RALGPS1: variants seen among roughly 807,000 people sequenced by gnomAD.
RALGPS1 encodes the protein Ral GEF with PH domain and SH3 binding motif 1, also known as ras-specific guanine nucleotide-releasing factor RalGPS1.
A neutral mutation model predicts 78.8 loss-of-function variants in RALGPS1; 19 were observed. The observed-to-expected ratio is 0.24, with a 90% CI of 0.17 to 0.35. The LOEUF (loss-of-function observed/expected upper bound fraction) is 0.35, where lower values mean the gene tolerates loss of function less well. Ranked by LOEUF, RALGPS1 falls within the 10% of genes least tolerant of loss-of-function variation. RALGPS1 has a pLI of 1.00. For synonymous variants in RALGPS1, 228 were observed against 256.3 expected (o/e 0.89, Z 1.06); for missense variants, 454 against 688.3 (o/e 0.66, Z 3.81).
intron 8 of RALGPS1, chr9:127,069,582 T>G (rs1331602358): frequency 4.4e-6 from 2 of 458,118 alleles, no homozygotes; most frequent in African/African-American, 4.0e-5. Context: ...ATAAAAGACC[T>G]GTGGGCCCCA....
intron 10 of RALGPS1, 129 bp downstream of exon 10, chr9:127,168,901 A>G: frequency 1.4e-6 from 1 of 711,210 alleles, no homozygotes; most frequent in Non-Finnish European, 2.5e-6. Flanking sequence ...ATCAGAGTCC[A>G]CAGCAGTAGC....
At chr9:127,162,033 C>T (rs2059050578) in intron 8 of RALGPS1, among the ~76,000 whole-genome samples, 1 of 152,242 alleles carries the variant, frequency 6.6e-6, no homozygotes. Flanking sequence ...TTTATCATCA[C>T]TTGACTGGTG....
chr9:127,091,760 C>A lies in RALGPS1; in HGVS notation c.610+22404C>A. ...TCACCCGCATTGCCATGGTAGCGCC[C>A]CAGCCGCAGCTTATAATACTCGCTC... is the stretch of plus-strand genomic sequence containing the variant. On this transcript the variant is annotated intron_variant, in intron 8 of 18. Coordinates refer to ENST00000259351, the MANE Select transcript of RALGPS1 (RefSeq NM_014636.3). This position sits in a 1 kb window ranked among gnomAD's most constrained non-coding sequence, Gnocchi z 4.3. The A allele has an allele frequency of 1.2e-6, 2 of 1,614,118 alleles. No homozygotes were observed. Among genetic ancestry groups the A allele is most frequent in the South Asian group, 2.2e-5 (2 of 91,080 alleles).
At chr9:127,101,438 CATGAGTCCCTCA>C (rs1416543960) in intron 8 of RALGPS1, among the ~76,000 whole-genome samples, 3 of 152,200 alleles carry the variant, frequency 2.0e-5, no homozygotes, top group African/African-American at 7.2e-5. Context: ...AGGCTCACTC[CATGAGTCCCTCA>C]ATGCTCTGTG....
At chr9:127,152,652 A>G (rs927184077) in intron 8 of RALGPS1, among the ~76,000 whole-genome samples, 1 of 152,162 alleles carries the variant, frequency 6.6e-6, no homozygotes, top group Non-Finnish European at 1.5e-5. Flanking sequence ...TATCTGCCCT[A>G]TAGTATATTA....
intron 4 of RALGPS1, among the ~76,000 whole-genome samples, chr9:126,998,350 G>A (rs1221315002): frequency 1.3e-5 from 2 of 152,084 alleles, no homozygotes; most frequent in Non-Finnish European, 2.9e-5. Context: ...TCAAAAAGTG[G>A]GCAAAGGATA....
intron 4 of RALGPS1, among the ~76,000 whole-genome samples, chr9:126,996,388 A>G (rs1477076178): frequency 6.6e-6 from 1 of 152,248 alleles, no homozygotes; most frequent in African/African-American, 2.4e-5. Context: ...CTACCATCAG[A>G]GAATACTACA....
At chr9:126,965,078 G>A in intron 2 of RALGPS1, among the ~76,000 whole-genome samples, 1 of 152,192 alleles carries the variant, frequency 6.6e-6, no homozygotes, top group East Asian at 1.9e-4. Context: ...CCACAGTGTT[G>A]AGATTCGTGA....
intron 3 of RALGPS1, among the ~76,000 whole-genome samples, chr9:126,966,825 C>T (rs1450466042): frequency 6.6e-6 from 1 of 151,978 alleles, no homozygotes; most frequent in African/African-American, 2.4e-5. Context: ...GTGTTGCTCC[C>T]GGTCTAACTA....
chr9:127,126,418 T>G (rs1415174553), intron 8 of RALGPS1, among the ~76,000 whole-genome samples: 1 of 152,212 alleles, frequency 6.6e-6, no homozygotes, highest in Non-Finnish European at 1.5e-5. Flanking sequence ...TTTACTAAAT[T>G]TGGGGATATG....
chr9:127,076,262 T>G (rs2050673848), intron 8 of RALGPS1, among the ~76,000 whole-genome samples: 1 of 152,232 alleles, frequency 6.6e-6, no homozygotes, highest in South Asian at 2.1e-4. Context: ...GGGGGTGTTT[T>G]GTTCTTACTA....
At chr9:127,034,794 A>C (rs2046722545) in intron 5 of RALGPS1, among the ~76,000 whole-genome samples, 1 of 152,186 alleles carries the variant, frequency 6.6e-6, no homozygotes, top group East Asian at 1.9e-4. Context: ...TGCAAGGTTC[A>C]GCATGGTGGA....
At chr9:127,003,402 C>A (rs1376614515) in intron 4 of RALGPS1, among the ~76,000 whole-genome samples, 3 of 151,910 alleles carry the variant, frequency 2.0e-5, no homozygotes, top group African/African-American at 7.3e-5. Context: ...AGGACATGAA[C>A]AGACACTTCT....
intron 4 of RALGPS1, among the ~76,000 whole-genome samples, chr9:126,985,288 C>G (rs2132999840): frequency 6.6e-6 from 1 of 152,330 alleles, no homozygotes; most frequent in East Asian, 1.9e-4. Flanking sequence ...GACCCGAAGT[C>G]TAGATTCCAC....
chr9:127,006,050 G>A (rs1419541991), intron 4 of RALGPS1, among the ~76,000 whole-genome samples: 3 of 152,120 alleles, frequency 2.0e-5, no homozygotes, highest in African/African-American at 7.2e-5. Flanking sequence ...GGGCATCAAA[G>A]GAACATACCT....
chr9:127,010,632 C>T (rs11789865), intron 4 of RALGPS1, among the ~76,000 whole-genome samples: 57,182 of 152,100 alleles, frequency 0.38, 12,585 homozygotes, highest in Non-Finnish European at 0.48. Flanking sequence ...CAGTGCCTTT[C>T]GTGTTCATAT....
At chr9:127,089,486 G>A (rs2052190816) in intron 8 of RALGPS1, among the ~76,000 whole-genome samples, 1 of 152,206 alleles carries the variant, frequency 6.6e-6, no homozygotes, top group Non-Finnish European at 1.5e-5. Context: ...GGGTGCAAAG[G>A]AGGCCCCAAG....
intron 4 of RALGPS1, among the ~76,000 whole-genome samples, chr9:126,999,373 G>A (rs1399694741): frequency 6.6e-6 from 1 of 152,092 alleles, no homozygotes; most frequent in Non-Finnish European, 1.5e-5. Context: ...TTAATTCGTG[G>A]TGTTGTGCAT....
rs560586600 is a variant in RALGPS1 at position 127,165,972 on chromosome 9, C to T, written c.611-97C>T. 4.2e-6 allele frequency: 6 copies of T among 1,431,350 alleles called. No individual in the cohort carries two copies. The East Asian group carries it at 7.4e-5, about 18-fold the overall frequency. 88.7% of individuals were successfully genotyped at this position (1,431,350 alleles called of 1,614,324 possible). A position where few individuals can be genotyped will look rare whatever the true frequency, so the allele number is the denominator to read the frequency against. On this transcript the variant is annotated intron_variant, in intron 8 of 18. Coordinates refer to ENST00000259351, the MANE Select transcript of RALGPS1 (RefSeq NM_014636.3). ...TATTATCTCAGTTTTCCATAAGTCA[C>T]CCTTTATATTTTTTAGCAGATCAGT...
Sources: gnomAD v4.1 joint callset for allele counts (sites outside exome capture counted in the v4.1 genomes callset) on GRCh38, gnomAD v4.1.1 for gene constraint, Gnocchi (gnomAD v3.1) non-coding constraint, MANE v1.5 for transcripts, NCBI Gene and HGNC (gene_info 2026-07-23, HGNC 2026-07-21) for gene names.